The following TOP6BL variants were observed in gnomAD, a reference collection of about 807,000 sequenced individuals.
TOP6BL encodes TOP6B like initiator of meiotic double strand breaks, also known as type 2 DNA topoisomerase 6 subunit B-like.
the TOP6BL span, among the ~76,000 whole-genome samples, chr11:66,749,387 A>G: frequency 6.6e-6 from 1 of 152,182 alleles, no homozygotes; most frequent in Non-Finnish European, 1.5e-5. Flanking sequence ...GTCTAATCCA[A>G]TAAACTCTGG....
chr11:66,755,192 C>T, the TOP6BL span, among the ~76,000 whole-genome samples: 2 of 151,476 alleles, frequency 1.3e-5, no homozygotes, highest in African/African-American at 4.9e-5. Flanking sequence ...GTGATATCAG[C>T]TCACTTCAAC....
At chr11:66,761,804 C>G in the TOP6BL span, 30 of 817,792 alleles carry the variant, frequency 3.7e-5, 1 homozygote, top group African/African-American at 2.9e-4. Context: ...GCTAACTTCC[C>G]TGATAGAGAA....
At chr11:66,823,448 G>A in the TOP6BL span, among the ~76,000 whole-genome samples, 3 of 152,304 alleles carry the variant, frequency 2.0e-5, no homozygotes, top group Admixed American at 6.5e-5. Flanking sequence ...TGTTGGAATA[G>A]TAGTATGTAT....
At chr11:66,825,217 G>C in the TOP6BL span, among the ~76,000 whole-genome samples, 1 of 149,266 alleles carries the variant, frequency 6.7e-6, no homozygotes, top group African/African-American at 2.5e-5. Context: ...GCTCATGCCT[G>C]TAAGTAATGT....
At chr11:66,799,786 A>G in the TOP6BL span, among the ~76,000 whole-genome samples, 1 of 151,828 alleles carries the variant, frequency 6.6e-6, no homozygotes, top group Admixed American at 6.6e-5. Context: ...CCTTCTTTTT[A>G]AAGGCTGACT....
chr11:66,787,595 C>T, the TOP6BL span, among the ~76,000 whole-genome samples: 1 of 150,076 alleles, frequency 6.7e-6, no homozygotes, highest in Non-Finnish European at 1.5e-5. Flanking sequence ...TGGTGCATGC[C>T]TCTAATCCCA....
chr11:66,810,367 C>G, the TOP6BL span, among the ~76,000 whole-genome samples: 2 of 152,260 alleles, frequency 1.3e-5, no homozygotes, highest in African/African-American at 4.8e-5. Context: ...ATACTTTTGT[C>G]CTTTTAAAAA....
chr11:66,794,195 A>G, the TOP6BL span, among the ~76,000 whole-genome samples: 4 of 148,070 alleles, frequency 2.7e-5, no homozygotes, highest in Admixed American at 6.7e-5. Flanking sequence ...TTCTTTTTGT[A>G]TTATCATATT....
At chr11:66,831,713 C>T in the TOP6BL span, among the ~76,000 whole-genome samples, 3 of 151,984 alleles carry the variant, frequency 2.0e-5, no homozygotes, top group African/African-American at 4.8e-5. Flanking sequence ...TGTACATTTT[C>T]GGCCGGGTGC....
At chr11:66,804,017 G>C in the TOP6BL span, 1 of 1,607,430 alleles carries the variant, frequency 6.2e-7, no homozygotes, top group South Asian at 1.1e-5. Context: ...TGGTACAATT[G>C]AATCACACTG....
the TOP6BL span, among the ~76,000 whole-genome samples, chr11:66,770,183 C>G: frequency 6.6e-6 from 1 of 152,104 alleles, no homozygotes; most frequent in East Asian, 1.9e-4. Flanking sequence ...GGAAGAGAGC[C>G]CTCATCAGGA....
chr11:66,804,228 G>A, the TOP6BL span: 1 of 1,524,586 alleles, frequency 6.6e-7, no homozygotes, highest in Non-Finnish European at 8.9e-7. Context: ...AATTATCTTT[G>A]AAATGGGTTT....
the TOP6BL span, among the ~76,000 whole-genome samples, chr11:66,785,981 C>T: frequency 2.0e-5 from 3 of 152,258 alleles, no homozygotes; most frequent in East Asian, 3.9e-4. Context: ...AGAAGAACAC[C>T]TTTCCATTTC....
the TOP6BL span, among the ~76,000 whole-genome samples, chr11:66,842,506 A>T: frequency 1.2e-4 from 19 of 152,320 alleles, no homozygotes; most frequent in Admixed American, 3.9e-4. Context: ...CTGAGGCCAG[A>T]AAGGTGAGGG....
chr11:66,831,439 TACAC>T, the TOP6BL span, among the ~76,000 whole-genome samples: 44 of 152,346 alleles, frequency 2.9e-4, no homozygotes, highest in African/African-American at 9.4e-4. Flanking sequence ...GAACTATTGA[TACAC>T]ACAGTGACAT....
the TOP6BL span, among the ~76,000 whole-genome samples, chr11:66,835,429 T>C: frequency 6.6e-6 from 1 of 152,246 alleles, no homozygotes; most frequent in Non-Finnish European, 1.5e-5. Flanking sequence ...ATGGAGATAA[T>C]TCATATACCA....
At chr11:66,748,437 T>C in the TOP6BL span, 1 of 1,548,320 alleles carries the variant, frequency 6.5e-7, no homozygotes, top group Non-Finnish European at 8.7e-7. Flanking sequence ...AAGGGAGCAT[T>C]GCTAGAAGGG....
chr11:66,803,709 G>A, the TOP6BL span, among the ~76,000 whole-genome samples: 1 of 152,284 alleles, frequency 6.6e-6, no homozygotes, highest in South Asian at 2.1e-4. Flanking sequence ...ACAGGCATGA[G>A]CCACAATGCC....
At chr11:66,748,295 A>C in the TOP6BL span, 1 of 1,049,182 alleles carries the variant, frequency 9.5e-7, no homozygotes, top group Non-Finnish European at 1.3e-6. Context: ...AATTAGAGTT[A>C]CTAATTTAAC....
Sources: gnomAD v4.1 joint callset for allele counts (sites outside exome capture counted in the v4.1 genomes callset) on GRCh38, gnomAD v4.1.1 for gene constraint, MANE v1.5 for transcripts, NCBI Gene and HGNC (gene_info 2026-07-23, HGNC 2026-07-21) for gene names.